POU2F1: variants seen among roughly 807,000 people sequenced by gnomAD.
The protein encoded by POU2F1 is POU class 2 homeobox 1, also known as POU domain, class 2, transcription factor 1.
POU2F1 carries 16 observed loss-of-function variants against 84.9 expected under a neutral mutation model. That is an observed-to-expected ratio of 0.19 (90% confidence interval 0.13 to 0.29). The LOEUF (loss-of-function observed/expected upper bound fraction) is 0.29, where lower values mean the gene tolerates loss of function less well. Ranked by LOEUF, POU2F1 falls within the 10% of genes least tolerant of loss-of-function variation. The pLI, the probability that POU2F1 is intolerant of heterozygous loss-of-function variation, is 1.00. For missense variants in POU2F1, 738 were observed against 942.6 expected (o/e 0.78, Z 2.84); for synonymous variants, 368 against 368.3 (o/e 1.00, Z 0.01).
intron 3 of POU2F1, among the ~76,000 whole-genome samples, chr1:167,368,764 G>A (rs955004020): frequency 1.3e-5 from 2 of 152,162 alleles, no homozygotes; most frequent in Non-Finnish European, 2.9e-5. Context: ...AGGACTAGCA[G>A]TTTCAAATAA....
At chr1:167,240,209 A>G (rs952105785) in intron 1 of POU2F1, among the ~76,000 whole-genome samples, 6 of 152,216 alleles carry the variant, frequency 3.9e-5, no homozygotes, top group African/African-American at 1.4e-4. Flanking sequence ...CAAATACCCC[A>G]GTAGTCGAAG....
intron 2 of POU2F1, among the ~76,000 whole-genome samples, chr1:167,359,189 TTA>T (rs1491258029): frequency 7.4e-4 from 54 of 72,972 alleles, no homozygotes; most frequent in African/African-American, 2.3e-3. Flanking sequence ...TAGACTTTTT[TTA>T]AAAAAAAAAA....
intron 1 of POU2F1, among the ~76,000 whole-genome samples, chr1:167,227,664 T>C (rs1039609006): frequency 2.0e-5 from 3 of 152,220 alleles, no homozygotes; most frequent in African/African-American, 7.2e-5. Context: ...ATAAAAGGTA[T>C]CTGCTATGTA....
intron 1 of POU2F1, among the ~76,000 whole-genome samples, chr1:167,244,184 T>C (rs369473895): frequency 3.3e-5 from 5 of 152,282 alleles, no homozygotes; most frequent in Middle Eastern, 3.4e-3. Context: ...GATTAGAAGA[T>C]AGCATGTAAA....
intron 13 of POU2F1, among the ~76,000 whole-genome samples, chr1:167,406,560 A>AAAGG (rs1649590011): frequency 6.6e-6 from 1 of 152,202 alleles, no homozygotes. Flanking sequence ...GACAATTTGG[A>AAAGG]AAGGAAGAAG....
chr1:167,384,142 T>C (rs1647783845), intron 8 of POU2F1, among the ~76,000 whole-genome samples, 191 bp downstream of exon 8: 1 of 152,234 alleles, frequency 6.6e-6, no homozygotes, highest in South Asian at 2.1e-4. Flanking sequence ...TCAGAGTTCC[T>C]GTTTCTTATA....
intron 2 of POU2F1, among the ~76,000 whole-genome samples, chr1:167,354,341 G>T (rs1240589909): frequency 2.0e-5 from 3 of 151,718 alleles, no homozygotes; most frequent in African/African-American, 7.3e-5. Context: ...ACCCAGGCTG[G>T]AGTGCAGTGG....
chr1:167,226,503 G>A (rs944496983), intron 1 of POU2F1, among the ~76,000 whole-genome samples: 1 of 152,172 alleles, frequency 6.6e-6, no homozygotes, highest in African/African-American at 2.4e-5. Flanking sequence ...GTTTTGTACC[G>A]AAGTATTTCT....
chr1:167,267,549 G>A (rs770719824), intron 1 of POU2F1, among the ~76,000 whole-genome samples: 2 of 150,254 alleles, frequency 1.3e-5, no homozygotes, highest in Non-Finnish European at 3.0e-5. Flanking sequence ...GATTCCTAGG[G>A]CATTGTTCTT....
At chr1:167,314,688 T>A (rs1385352919) in intron 1 of POU2F1, among the ~76,000 whole-genome samples, 1 of 152,066 alleles carries the variant, frequency 6.6e-6, no homozygotes, top group Non-Finnish European at 1.5e-5. Flanking sequence ...GTGGGAGGAT[T>A]GCTTGAGCTC....
intron 2 of POU2F1, among the ~76,000 whole-genome samples, chr1:167,353,120 C>T (rs1051546496): frequency 1.3e-5 from 2 of 152,194 alleles, no homozygotes; most frequent in Non-Finnish European, 2.9e-5. Flanking sequence ...ATCCAACTGT[C>T]TCTCAGCTGG....
chr1:167,295,382 C>G (rs144720496), intron 1 of POU2F1, among the ~76,000 whole-genome samples: 4 of 152,188 alleles, frequency 2.6e-5, no homozygotes, highest in Non-Finnish European at 5.9e-5. Flanking sequence ...TTTGCAGCAA[C>G]TTGGTTGGAG....
intron 1 of POU2F1, among the ~76,000 whole-genome samples, chr1:167,299,948 T>C (rs527626412): frequency 6.6e-6 from 1 of 152,212 alleles, no homozygotes; most frequent in Non-Finnish European, 1.5e-5. Flanking sequence ...GCTATGATAC[T>C]GATCCGGGTA....
At chr1:167,361,508 C>T (rs1273758049) in intron 2 of POU2F1, among the ~76,000 whole-genome samples, 1 of 152,116 alleles carries the variant, frequency 6.6e-6, no homozygotes, top group Non-Finnish European at 1.5e-5. Context: ...ACCCTTACAT[C>T]CCAGAAATAA....
At chr1:167,334,891 C>G (rs979289846) in intron 2 of POU2F1, among the ~76,000 whole-genome samples, 1 of 152,164 alleles carries the variant, frequency 6.6e-6, no homozygotes, top group African/African-American at 2.4e-5. Flanking sequence ...TATAGTAAAA[C>G]TGAAGCCTCA....
At chr1:167,266,396 A>C (rs1651955775) in intron 1 of POU2F1, among the ~76,000 whole-genome samples, 1 of 152,226 alleles carries the variant, frequency 6.6e-6, no homozygotes, top group Non-Finnish European at 1.5e-5. Context: ...GCTATAAAAT[A>C]ATAATTGGTG....
intron 1 of POU2F1, among the ~76,000 whole-genome samples, chr1:167,324,978 A>G (rs113385809): frequency 4.6e-5 from 7 of 152,278 alleles, no homozygotes; most frequent in Admixed American, 1.3e-4. Flanking sequence ...GGCAGTGCCA[A>G]TACCTATCAC....
chr1:167,243,942 G>A (rs945767512), intron 1 of POU2F1, among the ~76,000 whole-genome samples: 5 of 151,980 alleles, frequency 3.3e-5, no homozygotes, highest in East Asian at 1.9e-4. Context: ...CCTCTTATCC[G>A]TAGCTGCCCT....
chr1:167,342,268 A>G (rs998457243), intron 2 of POU2F1, among the ~76,000 whole-genome samples: 16 of 152,180 alleles, frequency 1.1e-4, no homozygotes, highest in African/African-American at 3.9e-4. Flanking sequence ...TAGTATCACT[A>G]TATTTCAGGC....
Sources: allele counts gnomAD v4.1 joint callset (sites outside exome capture counted in the v4.1 genomes callset), GRCh38; gene constraint gnomAD v4.1.1; transcripts MANE v1.5; gene names NCBI Gene and HGNC (gene_info 2026-07-23, HGNC 2026-07-21).